The following NTAQ1 variants were observed in gnomAD, a reference collection of about 807,000 sequenced individuals.
NTAQ1 encodes the protein protein N-terminal glutamine amidohydrolase.
In NTAQ1, 21 loss-of-function variants were observed where a neutral mutation model predicts 28.2. The ratio of observed to expected loss-of-function variants is 0.74; its 90% confidence interval spans 0.53 to 1.07. The LOEUF (loss-of-function observed/expected upper bound fraction) is 1.07. NTAQ1 is among the 50% of genes least tolerant of loss of function. The probability of loss-of-function intolerance (pLI) is 0.00; values close to 1 mark genes in which losing one functional copy is unlikely to be tolerated. For missense variants in NTAQ1, 264 were observed against 256.6 expected, an observed-to-expected ratio of 1.03 and a Z score of -0.20; for synonymous variants, 105 against 90.0, an observed-to-expected ratio of 1.17 and a Z score of -0.94.
At chr8:123,443,770 G>A (rs1365675715), downstream of NTAQ1, among the ~76,000 whole-genome samples, 4 of 152,024 alleles carry the variant, frequency 2.6e-5, no homozygotes, top group Non-Finnish European at 5.9e-5. Context: ...ATGGGGTTTT[G>A]CCACATTGCT....
At chr8:123,461,748 AT>A (rs1313477206) in intron 6 of NTAQ1, among the ~76,000 whole-genome samples, 1 of 152,172 alleles carries the variant, frequency 6.6e-6, no homozygotes, top group Non-Finnish European at 1.5e-5. Context: ...CTTAATAAGG[AT>A]TTATTGAAAG....
chr8:123,428,998 T>C (rs1247243995), intron 2 of NTAQ1, among the ~76,000 whole-genome samples: 1 of 152,222 alleles, frequency 6.6e-6, no homozygotes, highest in Non-Finnish European at 1.5e-5. Context: ...AGGATTTGTC[T>C]CTGGAGTTTA....
intron 5 of NTAQ1, among the ~76,000 whole-genome samples, 181 bp from the exon 6 acceptor site, chr8:123,441,125 G>A (rs948000896): frequency 3.9e-5 from 6 of 152,218 alleles, no homozygotes; most frequent in Admixed American, 1.3e-4. Context: ...CAGTTTGGGT[G>A]TGTGTGTTTT....
chr8:123,453,835 A>C (rs980210190), intron 6 of NTAQ1, among the ~76,000 whole-genome samples: 1 of 152,212 alleles, frequency 6.6e-6, no homozygotes, highest in East Asian at 1.9e-4. Context: ...ACGTAGGCAC[A>C]GTAAAGTAAA....
At chr8:123,419,424 T>G (rs1457222303) in intron 1 of NTAQ1, among the ~76,000 whole-genome samples, 1 of 152,110 alleles carries the variant, frequency 6.6e-6, no homozygotes, top group Non-Finnish European at 1.5e-5. Context: ...TAAGTTGAAA[T>G]GAATGCCTCC....
At chr8:123,463,836 C>T (rs1216801945) in intron 6 of NTAQ1, among the ~76,000 whole-genome samples, 4 of 152,278 alleles carry the variant, frequency 2.6e-5, no homozygotes, top group Middle Eastern at 3.4e-3. Context: ...TTGGTTGTGT[C>T]CCCACCCAAA....
chr8:123,455,845 A>T (rs1815634605), intron 6 of NTAQ1, among the ~76,000 whole-genome samples: 1 of 152,190 alleles, frequency 6.6e-6, no homozygotes, highest in Non-Finnish European at 1.5e-5. Flanking sequence ...TTTAAGTGTA[A>T]TTAGGCTGTT....
intron 5 of NTAQ1, chr8:123,438,095 G>A (rs1395499948): frequency 2.9e-6 from 2 of 692,078 alleles, no homozygotes; most frequent in Non-Finnish European, 5.3e-6. Flanking sequence ...AGCGCTAGCA[G>A]GTTTTATTGT....
At chr8:123,443,247 T>A (rs11781261), downstream of NTAQ1, among the ~76,000 whole-genome samples, 54,918 of 151,594 alleles carry the variant, frequency 0.36, 10,030 homozygotes, top group East Asian at 0.56. Context: ...ATCAAACTCC[T>A]GACCTCAGGT....
chr8:123,450,350 G>A (rs1000919616), downstream of NTAQ1, among the ~76,000 whole-genome samples: 3 of 151,312 alleles, frequency 2.0e-5, no homozygotes, highest in Admixed American at 6.6e-5. Context: ...GAGTGATGGG[G>A]ATGACAGCCT....
intron 6 of NTAQ1, among the ~76,000 whole-genome samples, chr8:123,465,672 C>T (rs1171339615): frequency 7.0e-6 from 1 of 142,414 alleles, no homozygotes; most frequent in East Asian, 2.1e-4. Flanking sequence ...AACTTTGCCT[C>T]CTGGGTTCAA....
At chr8:123,458,690 C>T (rs1452308278) in intron 6 of NTAQ1, among the ~76,000 whole-genome samples, 3 of 151,080 alleles carry the variant, frequency 2.0e-5, no homozygotes, top group Admixed American at 1.3e-4. Flanking sequence ...GGCGCGATCT[C>T]GGCTCACTGC....
intron 6 of NTAQ1, among the ~76,000 whole-genome samples, chr8:123,459,800 C>CTTTT (rs35644112): frequency 1.1e-4 from 13 of 119,602 alleles, no homozygotes; most frequent in South Asian, 2.8e-4. Flanking sequence ...ATACATCATT[C>CTTTT]TTTTTTTTTT....
chr8:123,474,485 A>G (rs1816071073), downstream of NTAQ1, among the ~76,000 whole-genome samples: 1 of 152,222 alleles, frequency 6.6e-6, no homozygotes, highest in South Asian at 2.1e-4. Flanking sequence ...ACACAATGCT[A>G]GTATATATTA....
intron 2 of NTAQ1, among the ~76,000 whole-genome samples, chr8:123,429,241 G>A (rs374291279): frequency 6.6e-6 from 1 of 152,130 alleles, no homozygotes; most frequent in Non-Finnish European, 1.5e-5. Flanking sequence ...CTGATTCCTA[G>A]TTCAGATCCC....
In NTAQ1 at chr8:123,438,359, A is replaced by T. The variant is rs530914849; in HGVS notation, c.508+1025A>T. 1.1e-5 allele frequency: 6 copies of T among 558,948 alleles called. No individual in the cohort carries two copies. The East Asian group carries it at 1.8e-4, about 17-fold the overall frequency. 34.6% of individuals were successfully genotyped at this position (558,948 alleles called of 1,614,324 possible). A position where few individuals can be genotyped will look rare whatever the true frequency, so the allele number is the denominator to read the frequency against. The stretch of plus-strand genomic sequence containing the variant: ...GTCAGAAAAATAGGGCAGTAGTGTT[A>T]GTACTTCAACAAGGGTCTGAGCGTG... On this transcript the variant is annotated intron_variant, in intron 5 of 5. Transcript: ENST00000287387.
intron 6 of NTAQ1, among the ~76,000 whole-genome samples, chr8:123,459,800 CTTTTTTTTTT>C (rs35644112): frequency 2.5e-5 from 3 of 119,608 alleles, no homozygotes; most frequent in African/African-American, 6.4e-5. Flanking sequence ...ATACATCATT[CTTTTTTTTTT>C]TTTTTTTTTT....
chr8:123,422,606 GTTTT>G (rs112284256), intron 1 of NTAQ1, among the ~76,000 whole-genome samples: 9 of 134,400 alleles, frequency 6.7e-5, no homozygotes, highest in Admixed American at 7.4e-5. Context: ...TCCATTGATA[GTTTT>G]TTTTTTTTTT....
At chr8:123,441,219 C>T (rs1815047074) in intron 5 of NTAQ1, 87 bp from the exon 6 acceptor site, 3 of 974,354 alleles carry the variant, frequency 3.1e-6, no homozygotes, top group African/African-American at 1.7e-5. Flanking sequence ...AATAATTTTA[C>T]CTACTTTTGG....
Sources: allele counts gnomAD v4.1 joint callset (sites outside exome capture counted in the v4.1 genomes callset), GRCh38; gene constraint gnomAD v4.1.1; transcripts MANE v1.5; gene names NCBI Gene and HGNC (gene_info 2026-07-23, HGNC 2026-07-21).